PDE11A: variants seen among roughly 807,000 people sequenced by gnomAD.
PDE11A encodes phosphodiesterase 11A.
PDE11A carries 100 observed loss-of-function variants against 100.5 expected under a neutral mutation model. The ratio of observed to expected loss-of-function variants is 1.00; its 90% CI spans 0.85 to 1.18. The LOEUF (loss-of-function observed/expected upper bound fraction) is 1.18. Ranked by LOEUF, PDE11A falls within the 50% of genes most tolerant of loss-of-function variation. The pLI, the probability that PDE11A is intolerant of heterozygous loss-of-function variation, is 0.00. For synonymous variants in PDE11A, 381 were observed against 420.8 expected (o/e 0.91, Z 1.16); for missense variants, 1,141 against 1,152.6 (o/e 0.99, Z 0.15).
At chr2:177,736,526 GA>G (rs200764235) in intron 10 of PDE11A, among the ~76,000 whole-genome samples, 13 of 148,636 alleles carry the variant, frequency 8.7e-5, no homozygotes, top group East Asian at 3.9e-4. Flanking sequence ...AAAAAAAAAA[GA>G]AAAAAAAAGA....
intron 2 of PDE11A, among the ~76,000 whole-genome samples, chr2:177,994,245 T>C (rs759599260): frequency 1.1e-4 from 17 of 152,126 alleles, no homozygotes; most frequent in Non-Finnish European, 2.1e-4. Flanking sequence ...AATGTAAATT[T>C]TGATGTTATC....
rs766285756 is a variant in PDE11A at position 177,663,957 on chromosome 2, G to C, written c.2563-8C>G. The C allele has an allele frequency of 3.1e-6, 5 of 1,593,280 alleles. No individual in the cohort carries two copies. Among genetic ancestry groups the C allele is most frequent in the Non-Finnish European group, 4.3e-6 (5 of 1,161,224 alleles). On this transcript the variant is annotated splice_polypyrimidine_tract_variant and splice_region_variant and intron_variant, in intron 18 of 19. Coordinates refer to ENST00000286063, the MANE Select transcript of PDE11A (RefSeq NM_016953.4). Reference sequence around the variant, plus strand: ...GTTCCGATCAAAAATTGCCTAGAATGGGGGGCAGGAAGAACCTCGCTTTAT... The same window carrying C: ...GTTCCGATCAAAAATTGCCTAGAATCGGGGGCAGGAAGAACCTCGCTTTAT...
chr2:178,080,060 T>C (rs1209408777), intron 2 of PDE11A, among the ~76,000 whole-genome samples: 1 of 152,200 alleles, frequency 6.6e-6, no homozygotes, highest in East Asian at 1.9e-4. Flanking sequence ...GTCAGATGGA[T>C]AGATTGCAAA....
At chr2:177,703,247 A>G (rs1044944058) in intron 13 of PDE11A, among the ~76,000 whole-genome samples, 3 of 152,182 alleles carry the variant, frequency 2.0e-5, no homozygotes, top group African/African-American at 7.2e-5. Flanking sequence ...GCGGTAGTCT[A>G]TATATTAACA....
At chr2:177,818,735 T>TAG (rs2083085737) in intron 7 of PDE11A, among the ~76,000 whole-genome samples, 1 of 152,066 alleles carries the variant, frequency 6.6e-6, no homozygotes, top group Admixed American at 6.6e-5. Context: ...GTGATTACTT[T>TAG]TTCCAAACTT....
At chr2:177,933,680 AAAAT>A (rs999002602) in intron 2 of PDE11A, among the ~76,000 whole-genome samples, 2 of 152,212 alleles carry the variant, frequency 1.3e-5, no homozygotes, top group African/African-American at 4.8e-5. Context: ...GACTCCATAA[AAAAT>A]AAATAAATAA....
At chr2:177,829,646 G>T (rs577694667) in intron 6 of PDE11A, among the ~76,000 whole-genome samples, 4 of 150,058 alleles carry the variant, frequency 2.7e-5, no homozygotes, top group Admixed American at 2.7e-4. Context: ...TAGAGACAGG[G>T]TTTCACCACG....
Position 177,841,452 on chromosome 2 carries a change from C to T in PDE11A, c.1368-1069G>A, listed in dbSNP as rs535237200. Reference sequence around the variant, plus strand: ...TATACTACAGCAAGAATAATCATCACTCTATTGACTTTTTAATCTAAACTG... The same window carrying T: ...TATACTACAGCAAGAATAATCATCATTCTATTGACTTTTTAATCTAAACTG... On this transcript the variant is annotated intron_variant, in intron 5 of 19. Transcript: ENST00000286063. Among the ~76,000 whole-genome samples the T allele has an allele frequency of 2.6e-5, 4 of 152,260 alleles. No homozygotes were observed. The South Asian group carries it at 6.2e-4, about 24-fold the overall frequency.
At chr2:177,986,032 G>C (rs1316546888) in intron 2 of PDE11A, among the ~76,000 whole-genome samples, 1 of 152,176 alleles carries the variant, frequency 6.6e-6, no homozygotes, top group African/African-American at 2.4e-5. Flanking sequence ...CTCACTTTCT[G>C]AGTCCTTTTT....
chr2:178,013,624 G>A (rs375820347), intron 2 of PDE11A, among the ~76,000 whole-genome samples: 4 of 152,078 alleles, frequency 2.6e-5, no homozygotes, highest in African/African-American at 7.2e-5. Context: ...TGCTTTTAGC[G>A]CATATTTTAT....
intron 2 of PDE11A, among the ~76,000 whole-genome samples, chr2:177,934,344 CAGA>C (rs745948605): frequency 2.0e-5 from 3 of 152,170 alleles, no homozygotes; most frequent in Non-Finnish European, 2.9e-5. Flanking sequence ...AGACACTTCT[CAGA>C]AGAAGACATA....
intron 1 of PDE11A, among the ~76,000 whole-genome samples, chr2:178,024,903 T>C (rs2086460235): frequency 6.6e-6 from 1 of 152,234 alleles, no homozygotes; most frequent in Admixed American, 6.5e-5. Context: ...GATTAGTCTT[T>C]AATGACTTGA....
chr2:177,712,218 T>C (rs773482413), intron 12 of PDE11A, among the ~76,000 whole-genome samples: 3 of 152,146 alleles, frequency 2.0e-5, no homozygotes, highest in Admixed American at 6.5e-5. Context: ...TACATTTTAA[T>C]GATGAGCATA....
intron 1 of PDE11A, among the ~76,000 whole-genome samples, chr2:178,045,167 A>G (rs2086734337): frequency 1.3e-5 from 2 of 152,112 alleles, no homozygotes; most frequent in South Asian, 4.1e-4. Flanking sequence ...CAAATTGTAC[A>G]TCTCTTTGTT....
At chr2:177,847,452 A>T (rs962653608) in intron 5 of PDE11A, among the ~76,000 whole-genome samples, 2 of 152,086 alleles carry the variant, frequency 1.3e-5, no homozygotes, top group Non-Finnish European at 2.9e-5. Context: ...CAAGATAGAG[A>T]CTCACTGCTG....
At chr2:177,807,241 C>A (rs1296747344) in intron 9 of PDE11A, among the ~76,000 whole-genome samples, 1 of 151,688 alleles carries the variant, frequency 6.6e-6, no homozygotes, top group Non-Finnish European at 1.5e-5. Flanking sequence ...ACAACGGAAG[C>A]CAAAAGACAG....
chr2:178,046,761 A>C (rs1379138730), intron 1 of PDE11A, among the ~76,000 whole-genome samples: 1 of 152,180 alleles, frequency 6.6e-6, no homozygotes, highest in Non-Finnish European at 1.5e-5. Flanking sequence ...CCTGGGTCCA[A>C]TTATTGCTCA....
intron 19 of PDE11A, among the ~76,000 whole-genome samples, chr2:177,662,634 TC>T (rs2080500600): frequency 6.6e-6 from 1 of 152,236 alleles, no homozygotes; most frequent in Non-Finnish European, 1.5e-5. Flanking sequence ...TACATCATTT[TC>T]TATTTTGTTT....
At chr2:178,007,361 CAGTT>C (rs1430913721) in intron 2 of PDE11A, among the ~76,000 whole-genome samples, 1 of 152,084 alleles carries the variant, frequency 6.6e-6, no homozygotes, top group African/African-American at 2.4e-5. Context: ...TTTTTGTAAA[CAGTT>C]GGATGGATTA....
Sources: allele counts gnomAD v4.1 joint callset (sites outside exome capture counted in the v4.1 genomes callset), GRCh38; gene constraint gnomAD v4.1.1; transcripts MANE v1.5; gene names NCBI Gene and HGNC (gene_info 2026-07-23, HGNC 2026-07-21).